FYB1: variants seen among roughly 807,000 people sequenced by gnomAD.
FYB1 encodes FYN binding protein 1, also known as FYN-binding protein 1.
In FYB1, 41 loss-of-function variants were observed where a neutral mutation model predicts 94.1. The ratio of observed to expected loss-of-function variants is 0.44; its 90% CI spans 0.34 to 0.57. FYB1 has a LOEUF of 0.57. FYB1 is among the 20% of genes least tolerant of loss of function. The probability of loss-of-function intolerance (pLI) is 0.02; values close to 1 mark genes in which losing one functional copy is unlikely to be tolerated. For synonymous variants in FYB1, 367 were observed against 353.2 expected (o/e 1.04, Z -0.44); for missense variants, 1,050 against 976.8 (o/e 1.07, Z -1.00).
At chr5:39,203,234 A>C (rs1209143106) in intron 1 of FYB1, among the ~76,000 whole-genome samples, 1 of 152,142 alleles carries the variant, frequency 6.6e-6, no homozygotes, top group Non-Finnish European at 1.5e-5. Context: ...ATTTTTACTT[A>C]AGGAACAAAT....
chr5:39,138,362 A>G (rs1741850305), intron 6 of FYB1: 1 of 261,256 alleles, frequency 3.8e-6, no homozygotes, highest in Admixed American at 5.2e-5. Flanking sequence ...TCATCTGCCC[A>G]AGGATACACT....
rs554887474 is a variant in FYB1 at position 39,201,810 on chromosome 5, C to T, written c.1135+16G>A. On this transcript the variant is annotated intron_variant, in intron 2 of 18. Coordinates refer to ENST00000512982, the MANE Select transcript of FYB1 (RefSeq NM_001465.6). The stretch of plus-strand genomic sequence containing the variant: ...GGAGTAAACCATACTGAATAGCAAA[C>T]GAGAAAAGAACTCACTGTTTCCAGA... The T allele has an allele frequency of 5.7e-5, 91 of 1,597,998 alleles. No individual in the cohort carries two copies. Among genetic ancestry groups the T allele is most frequent in the Middle Eastern group, 3.4e-4 (2 of 5,956 alleles).
chr5:39,238,605 C>T (rs941172928), intron 1 of FYB1, among the ~76,000 whole-genome samples: 2 of 151,996 alleles, frequency 1.3e-5, no homozygotes, highest in African/African-American at 4.8e-5. Context: ...GGAACTATTA[C>T]TGTGGGTGCA....
intron 1 of FYB1, among the ~76,000 whole-genome samples, chr5:39,206,335 T>G (rs1164814720): frequency 6.6e-6 from 1 of 152,196 alleles, no homozygotes; most frequent in African/African-American, 2.4e-5. Flanking sequence ...GTTAATAAGT[T>G]TAGTAGATAA....
At chr5:39,260,290 AT>A (rs34013010) in intron 1 of FYB1, among the ~76,000 whole-genome samples, 89,460 of 151,942 alleles carry the variant, frequency 0.59, 26,618 homozygotes, top group African/African-American at 0.67. Flanking sequence ...ATTTTTATAA[AT>A]AAAGTTTTAT....
intron 1 of FYB1, among the ~76,000 whole-genome samples, chr5:39,264,089 T>A (rs1752329440): frequency 6.6e-6 from 1 of 152,216 alleles, no homozygotes; most frequent in South Asian, 2.1e-4. Context: ...TCTTTCACTC[T>A]ACATTCGGAT....
chr5:39,243,383 T>C lies in FYB1; in HGVS notation c.-28+31020A>G, dbSNP rs188617295. On this transcript the variant is annotated intron_variant, in intron 1 of 1. Transcript: ENST00000510188. ...TGGCTAGCCAGTTTTCCCAGCACCA[T>C]TTATTAAATAGGGAATGCTTTCCCC... 2.3e-3 allele frequency among the ~76,000 whole-genome samples: 350 copies of C among 151,694 alleles called. 1 individual carries two copies. The highest frequency in any genetic ancestry group is 7.8e-3 in the African/African-American group (320 of 41,016).
intron 2 of FYB1, among the ~76,000 whole-genome samples, chr5:39,199,494 A>AG (rs1455540080): frequency 6.6e-6 from 1 of 152,232 alleles, no homozygotes; most frequent in Non-Finnish European, 1.5e-5. Flanking sequence ...AAATTGATTA[A>AG]GCTTGTCACC....
intron 1 of FYB1, among the ~76,000 whole-genome samples, chr5:39,232,541 TTA>T (rs1251213820): frequency 3.3e-5 from 5 of 151,086 alleles, no homozygotes; most frequent in African/African-American, 1.2e-4. Flanking sequence ...ATTTATTTAT[TTA>T]TTTATTTTTT....
chr5:39,270,143 C>T (rs1752613020), intron 1 of FYB1, among the ~76,000 whole-genome samples: 1 of 152,098 alleles, frequency 6.6e-6, no homozygotes, highest in Non-Finnish European at 1.5e-5. Flanking sequence ...AAAGAGGTCC[C>T]TTTGTAAAAT....
Position 39,124,256 on chromosome 5 carries a change from A to G in FYB1, c.2068T>C (p.Leu690=), listed in dbSNP as rs778885656. 94 of 1,559,958 alleles carry G rather than the reference A, an allele frequency of 6.0e-5. No homozygotes were observed. Among genetic ancestry groups the G allele is most frequent in the Middle Eastern group, 1.7e-4 (1 of 5,960 alleles). ...GSSFPAPPKQ[L]DMGDEVYDDV... ...ACAATCAGTTTTTATTACTTACCCA[A>G]TTGTTTAGGAGGAGCAGGGAAACTA... The change falls in exon 13 of 19, where the codon TTG becomes CTG. Residue 690 remains leucine, a synonymous_variant. Transcript: ENST00000512982.
At chr5:39,231,147 C>CAAAAAAAAAAAA (rs747268330) in intron 1 of FYB1, among the ~76,000 whole-genome samples, 8 of 40,920 alleles carry the variant, frequency 2.0e-4, no homozygotes, top group African/African-American at 5.9e-4. Context: ...CAGCTCAGAG[C>CAAAAAAAAAAAA]AAAAAAAAAA....
intron 2 of FYB1, among the ~76,000 whole-genome samples, chr5:39,173,536 G>A (rs1436382683): frequency 6.6e-6 from 1 of 152,130 alleles, no homozygotes; most frequent in Admixed American, 6.5e-5. Flanking sequence ...GTTGAGAAGG[G>A]TAGTTTCTAG....
At chr5:39,161,736 A>C (rs1744265402) in intron 2 of FYB1, among the ~76,000 whole-genome samples, 1 of 152,086 alleles carries the variant, frequency 6.6e-6, no homozygotes, top group Admixed American at 6.5e-5. Flanking sequence ...AAAATATACA[A>C]CTCCATGGTA....
At position 39,202,657 on chromosome 5, in the gene FYB1, C is replaced by T. The variant is rs774085503; in HGVS notation, c.304G>A (p.Asp102Asn). The change falls in exon 2 of 19, where the codon GAC becomes AAC. Residue 102 changes from aspartate to asparagine, a missense_variant. Transcript: ENST00000512982. The stretch of plus-strand genomic sequence containing the variant: ...AGAAATCCCACTTTCGCCTCGGGGT[C>T]TCTGGTGGTCAAGCTGGCTGGTGTT... ...FGTPASLTTR[D>N]PEAKVGFLKP... The T allele has an allele frequency of 1.2e-6, 2 of 1,613,758 alleles. No homozygotes were observed. The highest frequency in any genetic ancestry group is 2.7e-5 in the African/African-American group (2 of 74,876).
At chr5:39,147,608 C>G (rs1742785250) in intron 3 of FYB1, among the ~76,000 whole-genome samples, 3 of 151,872 alleles carry the variant, frequency 2.0e-5, no homozygotes, top group Admixed American at 2.0e-4. Flanking sequence ...ATTAAGACAT[C>G]CAGACTTGAA....
At chr5:39,176,982 C>T (rs1204887729) in intron 2 of FYB1, among the ~76,000 whole-genome samples, 5 of 152,268 alleles carry the variant, frequency 3.3e-5, no homozygotes, top group African/African-American at 1.2e-4. Context: ...TTCAATTAGG[C>T]ATCATGGGTG....
chr5:39,135,090 A>T, intron 7 of FYB1, 76 bp from the exon 8 acceptor site: 1 of 1,493,860 alleles, frequency 6.7e-7, no homozygotes, highest in South Asian at 1.2e-5. Context: ...ATTTTGAAAG[A>T]TATAAGTCTA....
At position 39,125,938 on chromosome 5, in the gene FYB1, T is replaced by C. The variant is rs1740620677; in HGVS notation, c.2045+60A>G. On this transcript the variant is annotated intron_variant, in intron 12 of 18. Transcript: ENST00000512982. ...TATTGGTTATAGAATATTAGTAGCA[T>C]TTGATTCAATACATATTAGTGTAGT... The C allele has an allele frequency of 4.6e-6, 7 of 1,507,250 alleles. No homozygotes were observed. In the South Asian group the frequency reaches 6.1e-5, roughly 13 times the overall value. 93.4% of individuals were successfully genotyped at this position (1,507,250 alleles called of 1,614,324 possible).
Sources: gnomAD v4.1 joint callset for allele counts (sites outside exome capture counted in the v4.1 genomes callset) on GRCh38, gnomAD v4.1.1 for gene constraint, MANE v1.5 for transcripts, NCBI Gene and HGNC (gene_info 2026-07-23, HGNC 2026-07-21) for gene names.